Variants in IGSF21 observed in about 807,000 individuals in gnomAD.
IGSF21 encodes immunoglobin superfamily member 21.
Under a neutral mutation model 46.8 loss-of-function variants are expected in IGSF21, and 28 were observed. The observed-to-expected ratio is 0.60, with a 90% confidence interval of 0.44 to 0.82. The LOEUF (loss-of-function observed/expected upper bound fraction) is 0.82, where lower values mean the gene tolerates loss of function less well. Among genes scored for constraint, IGSF21 ranks in the 40% least tolerant of loss-of-function variants. The pLI is 0.00. For synonymous variants in IGSF21, 284 were observed against 273.6 expected (o/e 1.04, Z -0.38); for missense variants, 624 against 665.5 (o/e 0.94, Z 0.69).
intron 1 of IGSF21, among the ~76,000 whole-genome samples, chr1:18,218,188 G>T (rs939389083): frequency 6.6e-6 from 1 of 152,204 alleles, no homozygotes; most frequent in African/African-American, 2.4e-5. Context: ...CATAGCAGAA[G>T]GTGAAGGGGA....
chr1:18,158,542 C>T (rs918811021), intron 1 of IGSF21, among the ~76,000 whole-genome samples: 22 of 152,268 alleles, frequency 1.4e-4, no homozygotes, highest in African/African-American at 5.1e-4. Context: ...ACCAGGGCAG[C>T]GTCGGGGAAC....
intron 2 of IGSF21, among the ~76,000 whole-genome samples, chr1:18,267,210 A>G (rs2084997787): frequency 6.6e-6 from 1 of 152,220 alleles, no homozygotes; most frequent in African/African-American, 2.4e-5. Context: ...ATGTCATTGT[A>G]CACTGAGGAC....
At chr1:18,289,997 C>G (rs1179725542) in intron 2 of IGSF21, among the ~76,000 whole-genome samples, 2 of 152,176 alleles carry the variant, frequency 1.3e-5, no homozygotes, top group Non-Finnish European at 2.9e-5. Context: ...GAGATGGAAG[C>G]TCTGATCCCA....
At chr1:18,271,698 T>A (rs2085044144) in intron 2 of IGSF21, among the ~76,000 whole-genome samples, 1 of 152,102 alleles carries the variant, frequency 6.6e-6, no homozygotes, top group African/African-American at 2.4e-5. Flanking sequence ...AGGAGCAACA[T>A]GGTGGATGGG....
chr1:18,268,354 C>A (rs1474492202), intron 2 of IGSF21, among the ~76,000 whole-genome samples: 1 of 152,218 alleles, frequency 6.6e-6, no homozygotes, highest in African/African-American at 2.4e-5. Context: ...TGCTCCTCAA[C>A]AGCTTCTTAC....
At chr1:18,318,842 C>A (rs2085570876) in intron 3 of IGSF21, among the ~76,000 whole-genome samples, 1 of 152,124 alleles carries the variant, frequency 6.6e-6, no homozygotes, top group Admixed American at 6.5e-5. Context: ...ATTTTACAAA[C>A]AAATCTATAC....
At chr1:18,197,934 T>A (rs1297309256) in intron 1 of IGSF21, among the ~76,000 whole-genome samples, 2 of 152,194 alleles carry the variant, frequency 1.3e-5, no homozygotes, top group Non-Finnish European at 2.9e-5. Context: ...AGTGGATTCT[T>A]GGAAAGGTGT....
chr1:18,360,634 G>C (rs925281655), intron 4 of IGSF21, among the ~76,000 whole-genome samples: 1 of 152,260 alleles, frequency 6.6e-6, no homozygotes, highest in Non-Finnish European at 1.5e-5. Context: ...CTCCCTGTGC[G>C]TGTCCCAAGG....
intron 6 of IGSF21, among the ~76,000 whole-genome samples, chr1:18,367,601 CTCT>C (rs1295673697): frequency 1.4e-5 from 1 of 72,462 alleles, no homozygotes; most frequent in African/African-American, 4.3e-5. Context: ...CTCTCTCTCT[CTCT>C]TTTTTTTTTT....
intron 1 of IGSF21, among the ~76,000 whole-genome samples, chr1:18,189,879 A>G (rs575030829): frequency 1.1e-4 from 16 of 151,366 alleles, no homozygotes; most frequent in Admixed American, 1.0e-3. Flanking sequence ...TCTGCCCTGG[A>G]GCCTTTACCC....
At chr1:18,193,221 G>A (rs774573783) in intron 1 of IGSF21, among the ~76,000 whole-genome samples, 102 of 152,216 alleles carry the variant, frequency 6.7e-4, no homozygotes, top group Non-Finnish European at 1.2e-3. Flanking sequence ...CAGCATAGAG[G>A]CCCCTGTGGA....
intron 1 of IGSF21, among the ~76,000 whole-genome samples, chr1:18,143,463 C>T (rs918038504): frequency 3.9e-5 from 6 of 152,144 alleles, no homozygotes; most frequent in African/African-American, 1.4e-4. Flanking sequence ...CCCCAGTGCC[C>T]AGTCATAAAG....
chr1:18,123,573 A>T (rs1464391198), intron 1 of IGSF21, among the ~76,000 whole-genome samples: 1 of 152,220 alleles, frequency 6.6e-6, no homozygotes, highest in Non-Finnish European at 1.5e-5. Context: ...TCCTAGGGAG[A>T]GTGCAGAAAA....
intron 1 of IGSF21, among the ~76,000 whole-genome samples, chr1:18,130,148 C>G (rs1047461188): frequency 4.6e-5 from 7 of 152,184 alleles, no homozygotes; most frequent in African/African-American, 1.4e-4. Context: ...TCCTTCTGCT[C>G]TAAGCACTGG....
chr1:18,215,695 G>T (rs1048124607), intron 1 of IGSF21, among the ~76,000 whole-genome samples: 14 of 152,280 alleles, frequency 9.2e-5, no homozygotes, highest in Admixed American at 7.8e-4. Flanking sequence ...GGGTGCAAAA[G>T]ATAGAAGGGC....
chr1:18,339,077 C>G (rs1435733009), intron 4 of IGSF21, among the ~76,000 whole-genome samples: 1 of 152,228 alleles, frequency 6.6e-6, no homozygotes, highest in Non-Finnish European at 1.5e-5. Flanking sequence ...AGCTAAAAAG[C>G]AAGGCCACCC....
At chr1:18,172,277 A>G (rs2086744622) in intron 1 of IGSF21, among the ~76,000 whole-genome samples, 2 of 152,220 alleles carry the variant, frequency 1.3e-5, no homozygotes, top group Non-Finnish European at 2.9e-5. Flanking sequence ...TATTAATTAA[A>G]GTTTGGTAAG....
intron 3 of IGSF21, among the ~76,000 whole-genome samples, chr1:18,303,863 T>C (rs1054854854): frequency 5.9e-5 from 9 of 152,266 alleles, no homozygotes; most frequent in Non-Finnish European, 1.3e-4. Context: ...ATGTATTAAA[T>C]CATCCAATCT....
At chr1:18,160,741 C>T (rs2086611895) in intron 1 of IGSF21, among the ~76,000 whole-genome samples, 1 of 152,186 alleles carries the variant, frequency 6.6e-6, no homozygotes, top group Non-Finnish European at 1.5e-5. Flanking sequence ...CTTCAGCTTC[C>T]TTGTTCTATC....
Sources: gnomAD v4.1 joint callset for allele counts (sites outside exome capture counted in the v4.1 genomes callset) on GRCh38, gnomAD v4.1.1 for gene constraint, MANE v1.5 for transcripts, NCBI Gene and HGNC (gene_info 2026-07-23, HGNC 2026-07-21) for gene names.